The following ATXN7L1 variants were observed in gnomAD, a reference collection of about 807,000 sequenced individuals.
The protein encoded by ATXN7L1 is ataxin 7 like 1, also known as ataxin-7-like protein 1.
A neutral mutation model predicts 70.8 loss-of-function variants in ATXN7L1; 15 were observed. The ratio of observed to expected loss-of-function variants is 0.21; its 90% CI spans 0.14 to 0.33. The LOEUF (loss-of-function observed/expected upper bound fraction) is 0.33. Ranked by LOEUF, ATXN7L1 falls within the 10% of genes least tolerant of loss-of-function variation. The probability of loss-of-function intolerance (pLI) is 1.00; values close to 1 mark genes in which losing one functional copy is unlikely to be tolerated. For synonymous variants in ATXN7L1, 440 were observed against 445.1 expected (o/e 0.99, Z 0.14); for missense variants, 975 against 1,097.1 (o/e 0.89, Z 1.57).
intron 2 of ATXN7L1, among the ~76,000 whole-genome samples, chr7:105,859,590 A>T: frequency 6.6e-6 from 1 of 152,092 alleles, no homozygotes; most frequent in East Asian, 1.9e-4. Context: ...AGTATTCAGT[A>T]CAGCAACATG....
chr7:105,615,043 A>T (rs896626212), intron 9 of ATXN7L1, among the ~76,000 whole-genome samples: 2 of 152,062 alleles, frequency 1.3e-5, no homozygotes, highest in East Asian at 3.9e-4. Flanking sequence ...AGTCTTTCAG[A>T]TCCTTTTCTC....
intron 3 of ATXN7L1, among the ~76,000 whole-genome samples, chr7:105,675,452 G>A (rs1226503739): frequency 2.0e-5 from 3 of 151,982 alleles, no homozygotes; most frequent in South Asian, 2.1e-4. Context: ...GTGAAAGCCC[G>A]TCTCTACTAA....
chr7:105,639,025 A>T (rs1405681265), intron 6 of ATXN7L1, among the ~76,000 whole-genome samples: 1 of 152,122 alleles, frequency 6.6e-6, no homozygotes, highest in Non-Finnish European at 1.5e-5. Context: ...CATGAAATAC[A>T]GGGCTTTGGG....
intron 3 of ATXN7L1, among the ~76,000 whole-genome samples, chr7:105,703,572 G>A (rs746078195): frequency 2.6e-5 from 4 of 152,184 alleles, no homozygotes; most frequent in Non-Finnish European, 5.9e-5. Context: ...CTAGAAACAG[G>A]CTTTTTACTG....
intron 3 of ATXN7L1, among the ~76,000 whole-genome samples, chr7:105,697,797 A>G (rs1791935803): frequency 6.6e-6 from 1 of 152,224 alleles, no homozygotes; most frequent in African/African-American, 2.4e-5. Flanking sequence ...TGTCCATAAA[A>G]TCTTCACAAT....
chr7:105,691,161 C>A (rs1790763254), intron 3 of ATXN7L1, among the ~76,000 whole-genome samples: 1 of 152,200 alleles, frequency 6.6e-6, no homozygotes, highest in South Asian at 2.1e-4. Context: ...CCACTGCTCC[C>A]AGGAGTTTGA....
chr7:105,668,972 T>C (rs914199312), intron 3 of ATXN7L1, among the ~76,000 whole-genome samples: 2 of 152,198 alleles, frequency 1.3e-5, no homozygotes, highest in African/African-American at 4.8e-5. Context: ...GGTCTTGAAC[T>C]CCTGGGCTCA....
intron 9 of ATXN7L1, chr7:105,617,967 G>A (rs1794164628): frequency 2.2e-6 from 1 of 456,640 alleles, no homozygotes; most frequent in African/African-American, 2.0e-5. Flanking sequence ...AGGTTGAGAG[G>A]GTAGCGGGGT....
intron 3 of ATXN7L1, among the ~76,000 whole-genome samples, chr7:105,732,611 T>A (rs1796700382): frequency 6.6e-6 from 1 of 152,196 alleles, no homozygotes; most frequent in Non-Finnish European, 1.5e-5. Flanking sequence ...GCAGTTGTTC[T>A]GAGTGGGCAT....
intron 7 of ATXN7L1, 52 bp downstream of exon 7, chr7:105,638,301 G>A (rs1797677294): frequency 2.0e-6 from 3 of 1,513,860 alleles, no homozygotes; most frequent in South Asian, 1.3e-5. Flanking sequence ...GACCCAGCAA[G>A]CTAGTCACTT....
chr7:105,620,321 A>G lies in ATXN7L1; in HGVS notation c.1396T>C (p.Phe466Leu). 1.9e-6 allele frequency: 3 copies of G among 1,542,564 alleles called. No individual in the cohort carries two copies. The highest frequency in any genetic ancestry group is 2.6e-6 in the Non-Finnish European group (3 of 1,144,520). The change falls in exon 9 of 12, where the codon TTT becomes CTT. Residue 466 changes from phenylalanine (F) to leucine (L), a missense_variant and splice_region_variant. Around this residue, in one of 5 missense-constraint regions of ATXN7L1, gnomAD observed 635 missense variants for 699.4 expected, o/e 0.91. Coordinates refer to ENST00000419735, the MANE Select transcript of ATXN7L1 (RefSeq NM_020725.2). ...FSTHHPRPLAFCSFGSRLMGR... is the reference protein window; with the variant it reads ...FSTHHPRPLALCSFGSRLMGR... Reference sequence around the variant, plus strand: ...ATGAGGCGACTCCCAAATGAGCAAAACTGTGAGGAAAAAAAAATTTTAATT... The same window carrying G: ...ATGAGGCGACTCCCAAATGAGCAAAGCTGTGAGGAAAAAAAAATTTTAATT...
chr7:105,660,108 A>G (rs1801348212), intron 4 of ATXN7L1, among the ~76,000 whole-genome samples: 1 of 151,526 alleles, frequency 6.6e-6, no homozygotes, highest in Non-Finnish European at 1.5e-5. Flanking sequence ...CTTAATATTT[A>G]TCTCACCCAG....
At chr7:105,838,696 G>C (rs548651181) in intron 2 of ATXN7L1, among the ~76,000 whole-genome samples, 1 of 152,278 alleles carries the variant, frequency 6.6e-6, no homozygotes, top group South Asian at 2.1e-4. Flanking sequence ...TTCCCTGATT[G>C]TTCCACTCCT....
intron 3 of ATXN7L1, among the ~76,000 whole-genome samples, chr7:105,759,129 TA>T (rs1390863527): frequency 6.7e-6 from 1 of 149,062 alleles, no homozygotes; most frequent in East Asian, 2.0e-4. Context: ...ATAAAAATAT[TA>T]TTTAGTGGCC....
intron 2 of ATXN7L1, among the ~76,000 whole-genome samples, chr7:105,842,980 T>G (rs957431030): frequency 6.6e-6 from 1 of 152,232 alleles, no homozygotes; most frequent in Non-Finnish European, 1.5e-5. Context: ...CATCTTTTCA[T>G]GTACAGTACA....
intron 3 of ATXN7L1, among the ~76,000 whole-genome samples, chr7:105,745,207 C>T (rs376948922): frequency 1.3e-5 from 2 of 151,922 alleles, no homozygotes; most frequent in Non-Finnish European, 2.9e-5. Context: ...GCAACTTACT[C>T]TCAAATGGGT....
At chr7:105,801,591 A>C (rs1687092186) in intron 2 of ATXN7L1, among the ~76,000 whole-genome samples, 2 of 152,210 alleles carry the variant, frequency 1.3e-5, no homozygotes, top group South Asian at 4.1e-4. Flanking sequence ...AGCTAAGGGG[A>C]AAGAGTGTTC....
intron 3 of ATXN7L1, among the ~76,000 whole-genome samples, chr7:105,716,278 T>C (rs1288632039): frequency 6.6e-6 from 1 of 152,144 alleles, no homozygotes; most frequent in African/African-American, 2.4e-5. Context: ...CACTAGGAGA[T>C]GTCAGTAGTT....
At chr7:105,632,299 C>T (rs148956915) in intron 7 of ATXN7L1, among the ~76,000 whole-genome samples, 262 of 152,196 alleles carry the variant, frequency 1.7e-3, no homozygotes, top group African/African-American at 5.8e-3. Context: ...CTCTGAAAAA[C>T]GATAGTATCT....
Sources: gnomAD v4.1 joint callset for allele counts (sites outside exome capture counted in the v4.1 genomes callset) on GRCh38, gnomAD v4.1.1 for gene constraint, gnomAD v4.1.1 regional missense constraint, MANE v1.5 for transcripts, NCBI Gene and HGNC (gene_info 2026-07-23, HGNC 2026-07-21) for gene names.